CCP110: variants seen among roughly 807,000 people sequenced by gnomAD.
CCP110 encodes centriolar coiled-coil protein of 110 kDa.
A neutral mutation model predicts 105.5 loss-of-function variants in CCP110; 43 were observed. That is an observed-to-expected ratio of 0.41 (90% CI 0.32 to 0.53). CCP110 has a LOEUF of 0.53. Among genes scored for constraint, CCP110 ranks in the 20% least tolerant of loss-of-function variants. The probability of loss-of-function intolerance (pLI) is 0.32; values close to 1 mark genes in which losing one functional copy is unlikely to be tolerated. For missense variants in CCP110, 1,016 were observed against 1,189.1 expected, an observed-to-expected ratio of 0.85 and a Z score of 2.14; for synonymous variants, 353 against 392.1, an observed-to-expected ratio of 0.90 and a Z score of 1.18.
In CCP110 at chr16:19,548,639, A is replaced by C; in HGVS notation, c.2986+39A>C. ...AAATTCCTGAAGCCCATTCAATAGA[A>C]GGAAGTGCACAAGCTGCCCCATAAC... On this transcript the variant is annotated intron_variant, in intron 14 of 14. Coordinates refer to ENST00000381396, the Ensembl canonical transcript of CCP110. This position sits in a 1 kb window ranked among gnomAD's most constrained non-coding sequence, Gnocchi z 4.1. 1 of 1,278,408 alleles carries C rather than the reference A, an allele frequency of 7.8e-7. No individual in the cohort carries two copies. The highest frequency in any genetic ancestry group is 1.1e-6 in the Non-Finnish European group (1 of 906,870). 79.2% of individuals were successfully genotyped at this position (1,278,408 alleles called of 1,614,324 possible).
At chr16:19,540,450 A>G (rs2285661) in intron 4 of CCP110, among the ~76,000 whole-genome samples, 25,317 of 152,148 alleles carry the variant, frequency 0.17, 3,204 homozygotes, top group East Asian at 0.4. Flanking sequence ...ATGAGTGGGT[A>G]AAGGTGATGC....
exon 15 of CCP110, chr16:19,551,327 C>T: frequency 5.3e-6 from 6 of 1,134,312 alleles, no homozygotes; most frequent in Non-Finnish European, 8.1e-6. Context: ...CTTTATTTAA[C>T]CCTGGACTCC....
chr16:19,540,765 G>A, exon 5 of CCP110: 1 of 1,613,746 alleles, frequency 6.2e-7, no homozygotes, highest in Non-Finnish European at 8.5e-7. Context: ...GAGCAGGAAA[G>A]GGAACAAGAA....
exon 1 of CCP110, chr16:19,523,943 C>T: frequency 6.5e-6 from 1 of 154,070 alleles, no homozygotes; most frequent in Non-Finnish European, 1.4e-5. Context: ...GCCCGCGTTG[C>T]AGCCTGAGAT....
intron 2 of CCP110, among the ~76,000 whole-genome samples, chr16:19,531,749 C>T (rs1018635777): frequency 9.2e-5 from 14 of 152,282 alleles, no homozygotes; most frequent in African/African-American, 3.4e-4. Flanking sequence ...GGGCAGATCA[C>T]AAAGTCAGGA....
At chr16:19,547,542 T>G (rs762370534) in intron 12 of CCP110, 32 of 160,622 alleles carry the variant, frequency 2.0e-4, no homozygotes, top group Non-Finnish European at 3.4e-4. Flanking sequence ...AAGACCCATC[T>G]CAAAAAAATA....
At chr16:19,537,533 C>G in exon 4 of CCP110, 1 of 1,594,264 alleles carries the variant, frequency 6.3e-7, no homozygotes, top group Non-Finnish European at 8.5e-7. Context: ...AAAAAGATAC[C>G]CTAAGGGATC....
chr16:19,546,651 A>C (rs1970471069), intron 12 of CCP110, 177 bp downstream of exon 12: 1 of 432,422 alleles, frequency 2.3e-6, no homozygotes, highest in South Asian at 2.6e-5. Flanking sequence ...CCCCATCTCT[A>C]CTAAAAATAC....
exon 4 of CCP110, chr16:19,537,244 C>T (rs1015535512): frequency 6.2e-7 from 1 of 1,614,104 alleles, no homozygotes; most frequent in Non-Finnish European, 8.5e-7. Flanking sequence ...TGAGTGGACT[C>T]AAGCCAGCCA....
chr16:19,526,884 T>G (rs1969691726), intron 1 of CCP110: 1 of 152,218 alleles, frequency 6.6e-6, no homozygotes, highest in African/African-American at 2.4e-5. Context: ...CATGATTGTA[T>G]TCTATTTTCT....
At chr16:19,538,299 G>GTTATTTTTTT (rs1555491002) in intron 4 of CCP110, among the ~76,000 whole-genome samples, 1 of 86,824 alleles carries the variant, frequency 1.2e-5, no homozygotes, top group African/African-American at 6.0e-5. Context: ...GGAGGAAACA[G>GTTATTTTTTT]TTCTTTTTTT....
At chr16:19,541,734 G>GTTT (rs1393521556) in intron 5 of CCP110, among the ~76,000 whole-genome samples, 153 bp from the exon 6 acceptor site, 1 of 148,138 alleles carries the variant, frequency 6.8e-6, no homozygotes. Flanking sequence ...GGGAAGGGAA[G>GTTT]GGAGAAGGAA....
chr16:19,542,734 G>A (rs1303396673), exon 7 of CCP110: 1 of 1,613,508 alleles, frequency 6.2e-7, no homozygotes, highest in African/African-American at 1.3e-5. Flanking sequence ...AAGGCCTTTT[G>A]GAAGAGCCAA....
At chr16:19,537,128 G>C in exon 4 of CCP110, 1 of 1,614,158 alleles carries the variant, frequency 6.2e-7, no homozygotes, top group Non-Finnish European at 8.5e-7. Flanking sequence ...GTTAACATCC[G>C]ATGAGAGAGG....
At chr16:19,550,509 T>C (rs1970602772) in intron 14 of CCP110, among the ~76,000 whole-genome samples, 1 of 152,220 alleles carries the variant, frequency 6.6e-6, no homozygotes, top group Non-Finnish European at 1.5e-5. Context: ...GTTAAAATGC[T>C]AACTATGAAT....
intron 14 of CCP110, 113 bp from the exon 14 acceptor site, chr16:19,551,083 T>C (rs953018948): frequency 1.4e-6 from 1 of 710,106 alleles, no homozygotes; most frequent in East Asian, 2.5e-5. Flanking sequence ...GGATTAAATA[T>C]GATAATGTAT....
chr16:19,538,679 G>C (rs181203760), intron 4 of CCP110, among the ~76,000 whole-genome samples: 38 of 152,130 alleles, frequency 2.5e-4, no homozygotes, highest in African/African-American at 8.2e-4. Context: ...CTTTCTTTTG[G>C]ACTATAGTTT....
chr16:19,531,763 C>T (rs1450319141), intron 2 of CCP110, among the ~76,000 whole-genome samples: 4 of 152,116 alleles, frequency 2.6e-5, no homozygotes, highest in East Asian at 3.9e-4. Flanking sequence ...GTCAGGAGTT[C>T]GAGACCAGCC....
intron 1 of CCP110, among the ~76,000 whole-genome samples, chr16:19,527,619 A>C (rs1969717577): frequency 6.6e-6 from 1 of 152,196 alleles, no homozygotes; most frequent in African/African-American, 2.4e-5. Context: ...AATTAATCCC[A>C]TTTAAAGATT....
Sources: gnomAD v4.1 joint callset for allele counts (sites outside exome capture counted in the v4.1 genomes callset) on GRCh38, gnomAD v4.1.1 for gene constraint, Gnocchi (gnomAD v3.1) non-coding constraint, MANE v1.5 for transcripts, NCBI Gene and HGNC (gene_info 2026-07-23, HGNC 2026-07-21) for gene names.